The following ITPK1 variants were observed in gnomAD, a reference collection of about 807,000 sequenced individuals.
The protein encoded by ITPK1 is inositol 1,3,4-trisphosphate 5/6-kinase.
In ITPK1, 21 loss-of-function variants were observed where a neutral mutation model predicts 45.3. The ratio of observed to expected loss-of-function variants is 0.46; its 90% CI spans 0.33 to 0.67. The LOEUF is 0.67. Ranked by LOEUF, ITPK1 falls within the 30% of genes least tolerant of loss-of-function variation. ITPK1 has a pLI of 0.02. For synonymous variants in ITPK1, 258 were observed against 253.6 expected (o/e 1.02, Z -0.16); for missense variants, 474 against 573.5 (o/e 0.83, Z 1.77).
At chr14:92,989,888 C>T (rs1886693963) in intron 5 of ITPK1, among the ~76,000 whole-genome samples, 1 of 152,070 alleles carries the variant, frequency 6.6e-6, no homozygotes, top group Non-Finnish European at 1.5e-5. Flanking sequence ...TGGGGTGGGT[C>T]ATTCTGCAAG....
At chr14:93,007,806 G>A (rs1009034239) in intron 4 of ITPK1, among the ~76,000 whole-genome samples, 5 of 152,182 alleles carry the variant, frequency 3.3e-5, no homozygotes, top group East Asian at 3.9e-4. Flanking sequence ...TCGTCCTGCC[G>A]CCCCAGGAGC....
At chr14:93,079,834 G>A (rs1189429409) in intron 2 of ITPK1, among the ~76,000 whole-genome samples, 1 of 152,190 alleles carries the variant, frequency 6.6e-6, no homozygotes, top group African/African-American at 2.4e-5. Flanking sequence ...GACAGGAGGA[G>A]GGAACACAAA....
chr14:93,081,342 C>T (rs1891427030), intron 2 of ITPK1, among the ~76,000 whole-genome samples: 1 of 151,456 alleles, frequency 6.6e-6, no homozygotes, highest in African/African-American at 2.4e-5. Flanking sequence ...TCAAAAAAAA[C>T]ACAAAACCTG....
intron 8 of ITPK1, among the ~76,000 whole-genome samples, chr14:92,955,717 C>T (rs978967956): frequency 1.3e-5 from 2 of 152,204 alleles, no homozygotes; most frequent in Non-Finnish European, 2.9e-5. Context: ...TGGCAGTTGT[C>T]GAGTGAAGAC....
chr14:92,996,907 C>T (rs1887083938), intron 4 of ITPK1, among the ~76,000 whole-genome samples: 1 of 152,184 alleles, frequency 6.6e-6, no homozygotes, highest in South Asian at 2.1e-4. Flanking sequence ...TCTCAGTCTC[C>T]TCATCTGTGA....
intron 2 of ITPK1, among the ~76,000 whole-genome samples, chr14:93,086,162 C>G (rs926639057): frequency 6.6e-5 from 10 of 152,186 alleles, no homozygotes; most frequent in African/African-American, 2.2e-4. Context: ...CTTGGACTCA[C>G]TGGGGGAGGG....
intron 3 of ITPK1, chr14:93,070,112 C>T (rs1218145408): frequency 6.6e-6 from 1 of 152,410 alleles, no homozygotes; most frequent in African/African-American, 2.4e-5. Flanking sequence ...CGAGTCCCCT[C>T]ATGCCAGCAG....
intron 2 of ITPK1, among the ~76,000 whole-genome samples, chr14:93,114,146 G>A (rs568224905): frequency 6.6e-6 from 1 of 152,404 alleles, no homozygotes; most frequent in South Asian, 2.1e-4. Flanking sequence ...AAGGCTTTCA[G>A]AGCTAGATTC....
In ITPK1 at chr14:93,014,329, C is replaced by A. The variant is rs966346990; in HGVS notation, c.246+2347G>T. Among the ~76,000 whole-genome samples, 2 of 152,214 alleles carry A rather than the reference C, an allele frequency of 1.3e-5. No homozygotes were observed. The highest frequency in any genetic ancestry group is 2.9e-5 in the Non-Finnish European group (2 of 68,040). ...GGAACACAGCGGGCACTCTCATTCA[C>A]TGTTTGGACATCACTTGCCTGGGCT... On this transcript the variant is annotated intron_variant, in intron 4 of 10. Transcript: ENST00000267615. The surrounding 1 kb of genome is among the most constrained non-coding windows in gnomAD (Gnocchi z 4.4).
intron 2 of ITPK1, among the ~76,000 whole-genome samples, chr14:93,100,979 C>G (rs1316266594): frequency 6.6e-6 from 1 of 152,200 alleles, no homozygotes; most frequent in Non-Finnish European, 1.5e-5. Context: ...GGAAGGGGCA[C>G]CCACTCACTC....
intron 2 of ITPK1, among the ~76,000 whole-genome samples, chr14:93,107,662 G>T (rs1436749336): frequency 6.6e-6 from 1 of 152,174 alleles, no homozygotes; most frequent in Non-Finnish European, 1.5e-5. Context: ...GCGGAGCGGG[G>T]TCTGGAGTCT....
At chr14:93,038,307 T>C (rs1276547055) in intron 3 of ITPK1, among the ~76,000 whole-genome samples, 1 of 152,158 alleles carries the variant, frequency 6.6e-6, no homozygotes, top group Admixed American at 6.5e-5. Flanking sequence ...AGTACTGGGA[T>C]TATAGGTGTG....
intron 4 of ITPK1, among the ~76,000 whole-genome samples, chr14:92,997,134 C>T (rs1357580699): frequency 6.6e-6 from 1 of 152,192 alleles, no homozygotes; most frequent in East Asian, 1.9e-4. Context: ...CAAAAGGGGG[C>T]CAACAGCCGA....
At chr14:93,018,998 T>C (rs1321360802) in intron 3 of ITPK1, among the ~76,000 whole-genome samples, 1 of 152,080 alleles carries the variant, frequency 6.6e-6, no homozygotes, top group African/African-American at 2.4e-5. Context: ...AGATTCCAAA[T>C]TACACTCCAC....
In ITPK1 at chr14:92,940,427, C is replaced by G; in HGVS notation, c.*1134G>C. The G allele has an allele frequency of 9.2e-7, 1 of 1,091,456 alleles. No individual in the cohort carries two copies. Among genetic ancestry groups the G allele is most frequent in the South Asian group, 2.3e-5 (1 of 43,128 alleles). 67.6% of individuals were successfully genotyped at this position (1,091,456 alleles called of 1,614,324 possible). On this transcript the variant is annotated 3_prime_UTR_variant, in exon 11 of 11. Transcript: ENST00000267615. ...TTGCTGCCAAGGTGATGGGGTGAGT[C>G]TGAGGTGTGCAGAAGCGATGGGGGG...
Position 93,115,101 on chromosome 14 carries a change from C to T in ITPK1, c.63G>A (p.Lys21=). The change falls in exon 2 of 11, where the codon AAG becomes AAA. Residue 21 remains lysine (K), a synonymous_variant. Coordinates refer to ENST00000267615, the MANE Select transcript of ITPK1 (RefSeq NM_014216.6). ...GYWLSEKKIK[K]LNFQAFAELC... The stretch of plus-strand genomic sequence containing the variant: ...GCTCGGCGAAGGCCTGGAAATTCAG[C>T]TTCTTGATTTTCTTCTCGCTCAGCC... The T allele has an allele frequency of 5.0e-6, 8 of 1,601,754 alleles. No individual in the cohort carries two copies. The highest frequency in any genetic ancestry group is 6.0e-6 in the Non-Finnish European group (7 of 1,175,376).
At chr14:93,083,097 A>AT (rs1891504623) in intron 2 of ITPK1, among the ~76,000 whole-genome samples, 1 of 152,162 alleles carries the variant, frequency 6.6e-6, no homozygotes, top group African/African-American at 2.4e-5. Flanking sequence ...GGAAAACAAT[A>AT]AAGATGATCA....
chr14:92,955,861 G>A (rs553608635), intron 8 of ITPK1, among the ~76,000 whole-genome samples: 106 of 152,354 alleles, frequency 7.0e-4, no homozygotes, highest in African/African-American at 2.5e-3. Flanking sequence ...GCCGGAAAGA[G>A]GCCAGAGTCC....
chr14:93,058,255 T>C (rs1890292736), intron 3 of ITPK1, among the ~76,000 whole-genome samples: 1 of 150,804 alleles, frequency 6.6e-6, no homozygotes, highest in African/African-American at 2.4e-5. Flanking sequence ...AGGGCCAGTC[T>C]GGAAGGTCGA....
Sources: allele counts gnomAD v4.1 joint callset (sites outside exome capture counted in the v4.1 genomes callset), GRCh38; gene constraint gnomAD v4.1.1; non-coding constraint Gnocchi (gnomAD v3.1); transcripts MANE v1.5; gene names NCBI Gene and HGNC (gene_info 2026-07-23, HGNC 2026-07-21).